The following CCDC198 variants were observed in gnomAD, a reference collection of about 807,000 sequenced individuals.
CCDC198 encodes factor associated with metabolism and energy.
CCDC198 carries 18 observed loss-of-function variants against 35.6 expected under a neutral mutation model. The observed-to-expected ratio is 0.51, with a 90% CI of 0.35 to 0.75. The LOEUF is 0.75. Among genes scored for constraint, CCDC198 ranks in the 30% least tolerant of loss-of-function variants. CCDC198 has a pLI of 0.01. For synonymous variants in CCDC198, 119 were observed against 113.4 expected, an observed-to-expected ratio of 1.05 and a Z score of -0.31; for missense variants, 365 against 343.7, an observed-to-expected ratio of 1.06 and a Z score of -0.49.
At chr14:57,474,501 G>A (rs1054743598) in intron 5 of CCDC198, among the ~76,000 whole-genome samples, 1 of 152,152 alleles carries the variant, frequency 6.6e-6, no homozygotes, top group Non-Finnish European at 1.5e-5. Context: ...CACCATTGAT[G>A]TTATGAAAAT....
At chr14:57,472,177 T>C (rs993496270) in intron 5 of CCDC198, among the ~76,000 whole-genome samples, 2 of 152,170 alleles carry the variant, frequency 1.3e-5, no homozygotes, top group Non-Finnish European at 2.9e-5. Flanking sequence ...CAGGATCCAA[T>C]CTAGGATCAT....
intron 5 of CCDC198, among the ~76,000 whole-genome samples, chr14:57,477,666 C>T (rs1020963874): frequency 3.3e-5 from 5 of 152,076 alleles, no homozygotes; most frequent in African/African-American, 9.7e-5. Flanking sequence ...GATTCAGATT[C>T]GGTAGGATGA....
At chr14:57,489,153 G>A (rs2067473176) in intron 2 of CCDC198, among the ~76,000 whole-genome samples, 1 of 152,140 alleles carries the variant, frequency 6.6e-6, no homozygotes, top group South Asian at 2.1e-4. Flanking sequence ...ACTGGATAAA[G>A]AAAATGTAGT....
intron 1 of CCDC198, 112 bp downstream of exon 1, chr14:57,493,381 T>C: frequency 1.1e-6 from 1 of 917,330 alleles, no homozygotes; most frequent in South Asian, 1.6e-5. Context: ...CTAAATTCCT[T>C]TACATTTCAG....
chr14:57,480,738 T>A lies in CCDC198; in HGVS notation c.512A>T (p.Lys171Met). ...TCTTGCCTCTCCATGAAGACTTTTC[T>A]TTAACTCCATTTGGGCCTGAAAATC... ...RKRQEAQMELKKSLHGEARIN... is the reference protein window; with the variant it reads ...RKRQEAQMELMKSLHGEARIN... Residue 171 changes from lysine (K) to methionine (M), a missense_variant, in exon 5 of 6, where the codon AAG becomes ATG. Physicochemically the swap from Lys to Met is moderately conservative, Grantham distance 95. Coordinates refer to ENST00000216445, the MANE Select transcript of CCDC198 (RefSeq NM_018168.4). 1.2e-6 allele frequency: 2 copies of A among 1,614,016 alleles called. No individual in the cohort carries two copies. The highest frequency in any genetic ancestry group is 2.2e-5 in the South Asian group (2 of 91,048).
chr14:57,478,764 G>C, intron 5 of CCDC198: 1 of 1,095,766 alleles, frequency 9.1e-7, no homozygotes, highest in African/African-American at 1.6e-5. Context: ...AGGTTAAATA[G>C]ATGCCCCAAG....
intron 5 of CCDC198, among the ~76,000 whole-genome samples, chr14:57,473,931 T>C (rs1020160081): frequency 6.6e-6 from 1 of 152,178 alleles, no homozygotes; most frequent in Admixed American, 6.5e-5. Flanking sequence ...CTTTTGCACA[T>C]GCTGTGGTTG....
At position 57,471,343 on chromosome 14, in the gene CCDC198, T is replaced by G; in HGVS notation, c.*12A>C. On this transcript the variant is annotated 3_prime_UTR_variant, in exon 6 of 6. Coordinates refer to ENST00000216445, the MANE Select transcript of CCDC198 (RefSeq NM_018168.4). ...TCAAAGCACTCAGTTTCTAGGTTAA[T>G]GAATAGTATTCTTATTCTTGATCAA... The G allele has an allele frequency of 6.3e-7, 1 of 1,586,426 alleles. No individual in the cohort carries two copies. The highest frequency in any genetic ancestry group is 8.6e-7 in the Non-Finnish European group (1 of 1,157,790).
At chr14:57,477,696 G>A (rs1305979078) in intron 5 of CCDC198, among the ~76,000 whole-genome samples, 1 of 152,036 alleles carries the variant, frequency 6.6e-6, no homozygotes, top group East Asian at 1.9e-4. Flanking sequence ...ACAGGACTGG[G>A]TGTTTCTTTT....
chr14:57,479,090 G>T (rs999868012), intron 5 of CCDC198: 7 of 1,173,210 alleles, frequency 6.0e-6, no homozygotes, highest in African/African-American at 1.6e-5. Context: ...TAGCGTAGAA[G>T]TTGTAGACAA....
rs759085921 is a variant in CCDC198, at chr14:57,483,126, C to T, written c.332G>A (p.Arg111Gln). ...CAGGAGTCTTCCTGAAGTAATTACT[C>T]GTGGCAAGTCAATGGGTTCAAGCTT... ...LQKLEPIDLP[R>Q]VITSGRLLSQ... The change falls in exon 3 of 6, where the codon CGA (arginine) becomes CAA (glutamine). Residue 111 changes from arginine to glutamine, a missense_variant. By Grantham distance (43) the Arg-to-Gln change is conservative. Coordinates refer to ENST00000216445, the MANE Select transcript of CCDC198 (RefSeq NM_018168.4). The T allele has an allele frequency of 1.6e-5, 26 of 1,614,036 alleles. No homozygotes were observed. Among genetic ancestry groups the T allele is most frequent in the South Asian group, 1.5e-4 (14 of 91,084 alleles).
In CCDC198 at chr14:57,491,039, C is replaced by G; in HGVS notation, c.256G>C (p.Glu86Gln). The G allele has an allele frequency of 6.2e-7, 1 of 1,610,642 alleles. No homozygotes were observed. Among genetic ancestry groups the G allele is most frequent in the Non-Finnish European group, 8.5e-7 (1 of 1,177,564 alleles). Residue 86 changes from glutamate to glutamine, a missense_variant, in exon 2 of 6, where the codon GAA becomes CAA. Transcript: ENST00000216445. ...SRDMYFDIPL[E>Q]HRETSIIKRH... ...TTAATAATACTTGTTTCTCTGTGTT[C>G]CAGTGGGATGTCAAAATACATGTCT...
chr14:57,491,135 A>G, intron 1 of CCDC198, 64 bp from the exon 2 acceptor site: 1 of 1,503,742 alleles, frequency 6.7e-7, no homozygotes, highest in East Asian at 2.3e-5. Flanking sequence ...AAATCAGGCA[A>G]TCATTAGTTA....
chr14:57,490,861 T>C (rs1321359127), intron 2 of CCDC198, 128 bp downstream of exon 2: 2 of 921,200 alleles, frequency 2.2e-6, no homozygotes, highest in Non-Finnish European at 3.2e-6. Flanking sequence ...GATGACATTT[T>C]TCTTTAAGAA....
intron 5 of CCDC198, among the ~76,000 whole-genome samples, chr14:57,477,140 G>A (rs1467465365): frequency 6.6e-6 from 1 of 152,190 alleles, no homozygotes; most frequent in East Asian, 1.9e-4. Context: ...ATTAAATGCT[G>A]CATTTAAAAT....
At chr14:57,482,911 T>C (rs373781938) in intron 3 of CCDC198, among the ~76,000 whole-genome samples, 154 bp downstream of exon 3, 29 of 152,330 alleles carry the variant, frequency 1.9e-4, no homozygotes, top group East Asian at 5.8e-4. Context: ...TAAATAGCTT[T>C]GAAAAGTTCT....
In CCDC198 at chr14:57,475,186, G is replaced by A. The variant is rs907432777; in HGVS notation, c.656-3596C>T. The A allele has an allele frequency of 9.0e-5, 22 of 245,178 alleles. 1 individual carries two copies. Among genetic ancestry groups the A allele is most frequent in the Non-Finnish European group, 1.3e-4 (20 of 153,526 alleles). The allele number at this position is 245,178 out of a possible 1,614,324, so 15.2% of individuals were successfully genotyped here. On this transcript the variant is annotated intron_variant, in intron 5 of 5. Coordinates refer to ENST00000216445, the MANE Select transcript of CCDC198 (RefSeq NM_018168.4). ...TGAGGCAGGAGAGTGGCGTGAACCC[G>A]GGAGGCGGAGCTTGCAGTGTGCAGA...
intron 2 of CCDC198, 36 bp from the exon 3 acceptor site, chr14:57,483,187 C>T: frequency 6.2e-7 from 1 of 1,613,832 alleles, no homozygotes; most frequent in Non-Finnish European, 8.5e-7. Flanking sequence ...CAGCATTCCT[C>T]ATGCCATGAG....
intron 2 of CCDC198, among the ~76,000 whole-genome samples, chr14:57,486,508 A>G (rs1258785880): frequency 1.3e-5 from 2 of 151,866 alleles, no homozygotes; most frequent in Non-Finnish European, 2.9e-5. Flanking sequence ...CCCCTTCACT[A>G]GAGATTGAGA....
Sources: gnomAD v4.1 joint callset for allele counts (sites outside exome capture counted in the v4.1 genomes callset) on GRCh38, gnomAD v4.1.1 for gene constraint, MANE v1.5 for transcripts, NCBI Gene and HGNC (gene_info 2026-07-23, HGNC 2026-07-21) for gene names.